The following FNIP2 variants were observed in gnomAD, a reference collection of about 807,000 sequenced individuals.
The protein encoded by FNIP2 is folliculin interacting protein 2.
FNIP2 carries 32 observed loss-of-function variants against 108.7 expected under a neutral mutation model. That is an observed-to-expected ratio of 0.29 (90% CI 0.22 to 0.40). The LOEUF is 0.40. Among genes scored for constraint, FNIP2 ranks in the 10% least tolerant of loss-of-function variants. The probability of loss-of-function intolerance (pLI) is 1.00; values close to 1 mark genes in which losing one functional copy is unlikely to be tolerated. For synonymous variants in FNIP2, 480 were observed against 496.7 expected, an observed-to-expected ratio of 0.97 and a Z score of 0.45; for missense variants, 1,202 against 1,381.6, an observed-to-expected ratio of 0.87 and a Z score of 2.06.
intron 1 of FNIP2, chr4:158,795,792 C>A (rs540041267): frequency 5.2e-5 from 8 of 152,392 alleles, no homozygotes; most frequent in African/African-American, 1.9e-4. Flanking sequence ...CACAGGAGCA[C>A]GAACCCTATC....
In FNIP2 at chr4:158,856,073, A is replaced by G. The variant is rs183155988; in HGVS notation, c.858-2984A>G. ...AGAGCCCCCTGCTGTGCCAAGTGGT[A>G]GGCTTTGATTACTGGATGGGGAATG... On this transcript the variant is annotated intron_variant, in intron 8 of 16. Transcript: ENST00000264433. 2.0e-5 allele frequency among the ~76,000 whole-genome samples: 3 copies of G among 152,282 alleles called. No homozygotes were observed. In the East Asian group the frequency reaches 5.8e-4, roughly 29 times the overall value.
intron 7 of FNIP2, among the ~76,000 whole-genome samples, chr4:158,846,079 T>A (rs1404289615): frequency 6.6e-6 from 1 of 152,214 alleles, no homozygotes; most frequent in African/African-American, 2.4e-5. Flanking sequence ...CGAGAATGAT[T>A]AGAAGGAGTG....
At chr4:158,850,194 C>CA (rs1363682068) in intron 7 of FNIP2, among the ~76,000 whole-genome samples, 1 of 152,142 alleles carries the variant, frequency 6.6e-6, no homozygotes, top group African/African-American at 2.4e-5. Context: ...TATTCATGAG[C>CA]ATAGTATACT....
intron 1 of FNIP2, among the ~76,000 whole-genome samples, chr4:158,815,133 T>C (rs1231152942): frequency 2.0e-5 from 3 of 152,220 alleles, no homozygotes; most frequent in Non-Finnish European, 4.4e-5. Context: ...AGGTTGGTAC[T>C]ATTATATTAT....
intron 14 of FNIP2, chr4:158,871,541 A>C: frequency 1.0e-6 from 1 of 985,386 alleles, no homozygotes; most frequent in African/African-American, 1.7e-5. Flanking sequence ...AAAACTCAGT[A>C]GTGAAGCAGA....
chr4:158,829,036 TATACTTAGTA>T (rs750932753), intron 2 of FNIP2, 33 bp from the exon 3 acceptor site: 12 of 1,498,884 alleles, frequency 8.0e-6, no homozygotes, highest in Non-Finnish European at 1.1e-5. Flanking sequence ...ACGAACCTGA[TATACTTAGTA>T]ATCTTTTACC....
Position 158,807,712 on chromosome 4 carries a change from C to T in FNIP2, c.108-18204C>T, listed in dbSNP as rs948045997. On this transcript the variant is annotated intron_variant, in intron 1 of 16. Transcript: ENST00000264433. ...CAGGGCAACAGAGTGACACTTCTATCTCTAAAAAAGAAAAAAGAAACTTAA... is the reference window on the plus strand; with the variant it reads ...CAGGGCAACAGAGTGACACTTCTATTTCTAAAAAAGAAAAAAGAAACTTAA... 8.5e-5 allele frequency among the ~76,000 whole-genome samples: 13 copies of T among 152,144 alleles called. No individual in the cohort carries two copies. In the South Asian group the frequency reaches 2.7e-3, roughly 32 times the overall value.
At chr4:158,806,112 A>G (rs1776941514) in intron 1 of FNIP2, 1 of 1,189,044 alleles carries the variant, frequency 8.4e-7, no homozygotes, top group African/African-American at 1.6e-5. Context: ...CACATACTGT[A>G]TAGGGAGTGA....
At chr4:158,835,891 G>A (rs1778767932) in intron 7 of FNIP2, 1 of 153,402 alleles carries the variant, frequency 6.5e-6, no homozygotes, top group Non-Finnish European at 1.5e-5. Flanking sequence ...GAGACATGCT[G>A]ATCTAGATTT....
At chr4:158,882,078 C>A (rs991579019) in intron 14 of FNIP2, among the ~76,000 whole-genome samples, 74 of 152,120 alleles carry the variant, frequency 4.9e-4, no homozygotes, top group African/African-American at 1.7e-3. Flanking sequence ...CCCACCGCAA[C>A]CCTGTCTGGG....
intron 14 of FNIP2, among the ~76,000 whole-genome samples, chr4:158,886,876 T>C (rs537204044): frequency 2.0e-5 from 3 of 152,346 alleles, no homozygotes; most frequent in Admixed American, 6.5e-5. Context: ...CTATACAACG[T>C]AGGCTTTTTG....
chr4:158,801,033 C>G (rs1156299578), intron 1 of FNIP2, among the ~76,000 whole-genome samples: 1 of 152,064 alleles, frequency 6.6e-6, no homozygotes, highest in East Asian at 1.9e-4. Context: ...TAAATTATTT[C>G]CCAGGTAGTT....
intron 14 of FNIP2, among the ~76,000 whole-genome samples, chr4:158,875,613 C>T (rs948412860): frequency 6.7e-6 from 1 of 149,838 alleles, no homozygotes; most frequent in Non-Finnish European, 1.5e-5. Context: ...CAAGTCCCTT[C>T]AAATGGTAAA....
chr4:158,835,968 G>A (rs1284212624), intron 7 of FNIP2: 1 of 152,362 alleles, frequency 6.6e-6, no homozygotes, highest in Non-Finnish European at 1.5e-5. Flanking sequence ...AGGATCTGTT[G>A]GTTTCACCTT....
intron 16 of FNIP2, among the ~76,000 whole-genome samples, chr4:158,902,314 G>A (rs1729382613): frequency 6.6e-6 from 1 of 152,188 alleles, no homozygotes; most frequent in Admixed American, 6.5e-5. Flanking sequence ...CACCAGCGGA[G>A]GCTGTAGAAC....
chr4:158,777,274 C>T (rs1249608796), intron 1 of FNIP2, among the ~76,000 whole-genome samples: 1 of 152,136 alleles, frequency 6.6e-6, no homozygotes, highest in Admixed American at 6.5e-5. Flanking sequence ...ATGAAATGAG[C>T]AAATTGGTTC....
At chr4:158,826,152 AT>A in intron 2 of FNIP2, 110 bp downstream of exon 2, 2 of 1,390,536 alleles carry the variant, frequency 1.4e-6, no homozygotes, top group Non-Finnish European at 1.9e-6. Flanking sequence ...ATACAGTGCC[AT>A]TAATGGTTCA....
At chr4:158,852,750 C>T (rs1262873224) in intron 8 of FNIP2, among the ~76,000 whole-genome samples, 1 of 152,196 alleles carries the variant, frequency 6.6e-6, no homozygotes, top group Non-Finnish European at 1.5e-5. Flanking sequence ...TCGCCACCAT[C>T]CTCACTGTCA....
At chr4:158,870,710 G>A (rs536290019) in intron 14 of FNIP2, among the ~76,000 whole-genome samples, 1 of 152,252 alleles carries the variant, frequency 6.6e-6, no homozygotes, top group Admixed American at 6.5e-5. Context: ...GAGCCCTGGA[G>A]AACCTAAGCC....
Sources: allele counts gnomAD v4.1 joint callset (sites outside exome capture counted in the v4.1 genomes callset), GRCh38; gene constraint gnomAD v4.1.1; transcripts MANE v1.5; gene names NCBI Gene and HGNC (gene_info 2026-07-23, HGNC 2026-07-21).